The following DLC1 variants were observed in gnomAD, a reference collection of about 807,000 sequenced individuals.
DLC1 encodes rho GTPase-activating protein 7.
In DLC1, 54 loss-of-function variants were observed where a neutral mutation model predicts 140.3. That is an observed-to-expected ratio of 0.38 (90% CI 0.31 to 0.48). DLC1 has a LOEUF of 0.48. DLC1 is among the 20% of genes least tolerant of loss of function. The pLI, the probability that DLC1 is intolerant of heterozygous loss-of-function variation, is 0.96. For synonymous variants in DLC1, 986 were observed against 728.1 expected (o/e 1.35, Z -5.70); for missense variants, 2,536 against 1,907.0 (o/e 1.33, Z -6.14).
chr8:13,219,564 T>G (rs1361379422), intron 5 of DLC1, among the ~76,000 whole-genome samples: 1 of 151,432 alleles, frequency 6.6e-6, no homozygotes, highest in Non-Finnish European at 1.5e-5. Context: ...AAATTCTGAC[T>G]CAAATTCAAA....
intron 5 of DLC1, among the ~76,000 whole-genome samples, chr8:13,208,526 T>G (rs1275496871): frequency 6.6e-6 from 1 of 152,198 alleles, no homozygotes; most frequent in Non-Finnish European, 1.5e-5. Context: ...CTGCTACAAT[T>G]AGTCTTCCTT....
chr8:13,198,488 C>G (rs1827195974), intron 5 of DLC1, among the ~76,000 whole-genome samples: 2 of 152,266 alleles, frequency 1.3e-5, no homozygotes, highest in African/African-American at 4.8e-5. Flanking sequence ...TCCTAAGTGT[C>G]TGGTATACTT....
intron 4 of DLC1, among the ~76,000 whole-genome samples, chr8:13,382,298 G>T (rs990353718): frequency 7.9e-5 from 12 of 151,618 alleles, no homozygotes; most frequent in African/African-American, 2.7e-4. Flanking sequence ...ACGAGGTCAG[G>T]AGATCGAGAC....
At chr8:13,590,024 A>T (rs1378866358) in intron 1 of DLC1, among the ~76,000 whole-genome samples, 1 of 150,982 alleles carries the variant, frequency 6.6e-6, no homozygotes, top group Non-Finnish European at 1.5e-5. Flanking sequence ...TTAAAATGTT[A>T]TGGAAAACTT....
chr8:13,283,632 A>G (rs1305356266), intron 5 of DLC1, among the ~76,000 whole-genome samples: 1 of 152,162 alleles, frequency 6.6e-6, no homozygotes, highest in Non-Finnish European at 1.5e-5. Flanking sequence ...CTCTCACTGC[A>G]GCCTCCTGAG....
At chr8:13,261,457 T>C (rs142934585) in intron 5 of DLC1, among the ~76,000 whole-genome samples, 1 of 151,942 alleles carries the variant, frequency 6.6e-6, no homozygotes, top group African/African-American at 2.4e-5. Context: ...GGGAAAGATA[T>C]TGGAGGGTTT....
At chr8:13,269,993 C>A (rs1830864302) in intron 5 of DLC1, among the ~76,000 whole-genome samples, 1 of 149,708 alleles carries the variant, frequency 6.7e-6, no homozygotes, top group Non-Finnish European at 1.5e-5. Context: ...GGAGGTGGAG[C>A]TTGCAGTGAG....
At chr8:13,535,365 C>A (rs1476517901) in intron 1 of DLC1, among the ~76,000 whole-genome samples, 1 of 151,960 alleles carries the variant, frequency 6.6e-6, no homozygotes, top group Non-Finnish European at 1.5e-5. Flanking sequence ...AATTATAGAT[C>A]TTGTGAGACA....
intron 2 of DLC1, among the ~76,000 whole-genome samples, chr8:13,415,616 G>C (rs1371577425): frequency 2.0e-5 from 3 of 151,898 alleles, no homozygotes; most frequent in Non-Finnish European, 4.4e-5. Context: ...AGCCAGGATG[G>C]TCTCGATCAC....
chr8:13,441,574 CAGAG>C lies in DLC1; in HGVS notation c.1024-39959_1024-39956del, dbSNP rs536917003. On this transcript the variant is annotated intron_variant, in intron 2 of 17. Coordinates refer to ENST00000276297, the MANE Select transcript of DLC1 (RefSeq NM_182643.3). ...TTCTTATACACCAATAACAGACAAA[CAGAG>C]AGCCAAATCATGAGTGAACTCCCAT... is the stretch of plus-strand genomic sequence containing the variant. Among the ~76,000 whole-genome samples the C allele has an allele frequency of 7.3e-3, 1,111 of 152,208 alleles. 18 individuals carry two copies. The highest frequency in any genetic ancestry group is 0.025 in the African/African-American group (1,052 of 41,530).
chr8:13,505,623 C>G (rs779558269), intron 1 of DLC1, among the ~76,000 whole-genome samples: 1 of 152,182 alleles, frequency 6.6e-6, no homozygotes, highest in Non-Finnish European at 1.5e-5. Flanking sequence ...TTCCCCCTCA[C>G]CACAGCATCC....
At chr8:13,335,053 C>T (rs1454943) in intron 4 of DLC1, among the ~76,000 whole-genome samples, 130,222 of 152,162 alleles carry the variant, frequency 0.86, 56,143 homozygotes, top group East Asian at 0.95. Flanking sequence ...AGAGACAAGT[C>T]TGGACTCAGG....
chr8:13,116,512 C>G (rs917451787), intron 5 of DLC1, among the ~76,000 whole-genome samples: 7 of 152,178 alleles, frequency 4.6e-5, no homozygotes, highest in Non-Finnish European at 8.8e-5. Context: ...TACTCAGTTA[C>G]ACAAGTCTGT....
At chr8:13,268,933 G>T (rs1045546121) in intron 5 of DLC1, among the ~76,000 whole-genome samples, 4 of 143,164 alleles carry the variant, frequency 2.8e-5, no homozygotes, top group South Asian at 2.2e-4. Context: ...AGAGTGCAGT[G>T]GCGTGATCTC....
chr8:13,310,982 C>T (rs940404558), intron 4 of DLC1, among the ~76,000 whole-genome samples: 11 of 152,038 alleles, frequency 7.2e-5, no homozygotes, highest in African/African-American at 2.7e-4. Flanking sequence ...AATTTAAATA[C>T]ATTTTCTGTT....
At chr8:13,209,777 C>T (rs1456111086) in intron 5 of DLC1, among the ~76,000 whole-genome samples, 1 of 152,134 alleles carries the variant, frequency 6.6e-6, no homozygotes, top group African/African-American at 2.4e-5. Flanking sequence ...TGCCTGCTCC[C>T]CCTTCACCTT....
chr8:13,360,023 A>C (rs1308082925), intron 4 of DLC1, among the ~76,000 whole-genome samples: 1 of 152,220 alleles, frequency 6.6e-6, no homozygotes, highest in Non-Finnish European at 1.5e-5. Flanking sequence ...ATTCCGCATT[A>C]TAGTATTTAT....
intron 5 of DLC1, among the ~76,000 whole-genome samples, chr8:13,287,216 C>G (rs1289547293): frequency 6.6e-6 from 1 of 152,126 alleles, no homozygotes; most frequent in Non-Finnish European, 1.5e-5. Context: ...GCCTCTGAAA[C>G]TAATCAAAGT....
intron 5 of DLC1, among the ~76,000 whole-genome samples, chr8:13,244,142 C>T (rs770193330): frequency 6.6e-6 from 1 of 152,130 alleles, no homozygotes; most frequent in African/African-American, 2.4e-5. Flanking sequence ...TTTTCAAACC[C>T]ATTCCCTACT....
Sources: allele counts gnomAD v4.1 joint callset (sites outside exome capture counted in the v4.1 genomes callset), GRCh38; gene constraint gnomAD v4.1.1; transcripts MANE v1.5; gene names NCBI Gene and HGNC (gene_info 2026-07-23, HGNC 2026-07-21).